The following UNC80 variants were observed in gnomAD, a reference collection of about 807,000 sequenced individuals.
UNC80 encodes unc-80 subunit of NALCN channel complex.
A neutral mutation model predicts 384.6 loss-of-function variants in UNC80; 164 were observed. The ratio of observed to expected loss-of-function variants is 0.43; its 90% confidence interval spans 0.38 to 0.49. The LOEUF (loss-of-function observed/expected upper bound fraction) is 0.49. Ranked by LOEUF, UNC80 falls within the 20% of genes least tolerant of loss-of-function variation. UNC80 has a pLI of 0.00. For missense variants in UNC80, 3,330 were observed against 4,143.0 expected, an observed-to-expected ratio of 0.80 and a Z score of 5.39; for synonymous variants, 1,486 against 1,527.8, an observed-to-expected ratio of 0.97 and a Z score of 0.64.
chr2:209,917,649 C>A, intron 31 of UNC80, 128 bp from the exon 32 acceptor site: 3 of 1,125,556 alleles, frequency 2.7e-6, no homozygotes, highest in Non-Finnish European at 3.7e-6. Flanking sequence ...TTTGCCAGTG[C>A]TGGTAGCCTA....
rs1014521002 is a variant in UNC80 at position 209,772,115 on chromosome 2, G to A, written c.43G>A (p.Gly15Ser). 37 of 1,549,184 alleles carry A rather than the reference G, an allele frequency of 2.4e-5. No individual in the cohort carries two copies. Among genetic ancestry groups the A allele is most frequent in the Non-Finnish European group, 2.3e-5 (26 of 1,146,354 alleles). The stretch of plus-strand genomic sequence containing the variant: ...CTCCGAGGGCCAGGAGCAGGACGGC[G>A]GCCGCGGCATCCCCCTGCCCATCCA... ...KSSEGQEQDG[G>S]RGIPLPIQTF... Residue 15 changes from glycine to serine, a missense_variant, in exon 1 of 65, where the codon GGC (glycine) becomes AGC (serine). Physicochemically the swap from Gly to Ser is moderately conservative, Grantham distance 56. This residue lies in a region of UNC80 where 86 missense variants were observed against 141.5 expected (regional missense o/e 0.61). Transcript: ENST00000673920.
chr2:209,821,529 T>G (rs2080132541), intron 13 of UNC80, among the ~76,000 whole-genome samples: 1 of 152,220 alleles, frequency 6.6e-6, no homozygotes. Context: ...GAGAAGAATT[T>G]TGCTTGATTA....
intron 4 of UNC80, among the ~76,000 whole-genome samples, chr2:209,783,922 G>A (rs1336068181): frequency 6.6e-6 from 1 of 151,970 alleles, no homozygotes; most frequent in Non-Finnish European, 1.5e-5. Flanking sequence ...AGGGAATTTG[G>A]GTTACTCTTC....
intron 38 of UNC80, among the ~76,000 whole-genome samples, chr2:209,932,787 G>T (rs771346474): frequency 3.3e-5 from 5 of 152,194 alleles, no homozygotes; most frequent in Admixed American, 6.5e-5. Context: ...GTTGGAGAAA[G>T]AATCTGAATT....
intron 21 of UNC80, among the ~76,000 whole-genome samples, chr2:209,846,421 A>G (rs1229805795): frequency 6.6e-6 from 1 of 152,022 alleles, no homozygotes; most frequent in Non-Finnish European, 1.5e-5. Flanking sequence ...TTTTCAAGTA[A>G]TCAACACGTT....
rs2191906 is a variant in UNC80 at position 209,849,438 on chromosome 2, A to G, written c.3455-13A>G. On this transcript the variant is annotated splice_polypyrimidine_tract_variant and intron_variant, in intron 21 of 64. Transcript: ENST00000673920. The stretch of plus-strand genomic sequence containing the variant: ...CTCTCTTTCATTCCTCCACCATGGC[A>G]CCACCTTTACAGGTTGCCACAGTTT... 0.16 allele frequency: 243,779 copies of G among 1,549,684 alleles called. 22,309 individuals are homozygous for G. Among genetic ancestry groups the G allele is most frequent in the Middle Eastern group, 0.33 (1,947 of 5,982 alleles).
chr2:209,995,240 C>G lies in UNC80; in HGVS notation c.9709-89C>G, dbSNP rs369830234. The G allele has an allele frequency of 8.1e-6, 12 of 1,478,966 alleles. No individual in the cohort carries two copies. The African/African-American group carries it at 1.5e-4, about 19-fold the overall frequency. The allele number at this position is 1,478,966 out of a possible 1,614,324, so 91.6% of individuals were successfully genotyped here. On this transcript the variant is annotated intron_variant, in intron 64 of 64. Transcript: ENST00000673920. ...TGGGACTAGCCATCTGATTCCTTTT[C>G]CAATTACCACTAGACAACAACATTT...
chr2:209,977,001 C>T lies in UNC80; in HGVS notation c.8861C>T (p.Pro2954Leu). Residue 2954 changes from proline (P) to leucine (L), a missense_variant, in exon 58 of 65, where the codon CCT (proline) becomes CTT (leucine). By Grantham distance (98) the Pro-to-Leu change is moderately conservative. Coordinates refer to ENST00000673920, the MANE Select transcript of UNC80 (RefSeq NM_001371986.1). ...CTGGAGCGGCGCTTCATACCACGCC[C>T]TTTGTGTAAGAGCTCGCTCATTGCT... is the stretch of plus-strand genomic sequence containing the variant. ...DQLERRFIPR[P>L]LCKSSLIAEF... 2 of 1,539,836 alleles carry T rather than the reference C, an allele frequency of 1.3e-6. No individual in the cohort carries two copies. The highest frequency in any genetic ancestry group is 1.2e-5 in the South Asian group (1 of 83,538).
Position 209,973,071 on chromosome 2 carries a change from A to G in UNC80, c.8388A>G (p.Pro2796=), listed in dbSNP as rs1044654539. 1.0e-5 allele frequency: 16 copies of G among 1,551,512 alleles called. No individual in the cohort carries two copies. The highest frequency in any genetic ancestry group is 9.8e-5 in the East Asian group (4 of 40,920). ...LTVGSGSKDS[P]WLEQPEVQLL... ...CCAAATTCTGCCCCTCAGATAGCCC[A>G]TGGCTGGAGCAGCCTGAGGTGCAGC... Residue 2796 remains proline, a synonymous_variant, in exon 56 of 65, where the codon CCA becomes CCG. Coordinates refer to ENST00000673920, the MANE Select transcript of UNC80 (RefSeq NM_001371986.1).
intron 28 of UNC80, among the ~76,000 whole-genome samples, chr2:209,901,972 A>G (rs1479303151): frequency 1.3e-5 from 2 of 152,048 alleles, no homozygotes; most frequent in African/African-American, 4.8e-5. Context: ...AGCTGCCACC[A>G]CAGACAGTTA....
At chr2:209,881,263 A>T (rs2085265856) in intron 25 of UNC80, among the ~76,000 whole-genome samples, 169 bp downstream of exon 25, 1 of 152,204 alleles carries the variant, frequency 6.6e-6, no homozygotes, top group Non-Finnish European at 1.5e-5. Flanking sequence ...TCTTTTCCTC[A>T]TTACAAATAA....
At chr2:209,815,418 A>G in intron 9 of UNC80, 27 bp downstream of exon 9, 1 of 1,540,880 alleles carries the variant, frequency 6.5e-7, no homozygotes. Flanking sequence ...ATGCTCTTTG[A>G]TATTTTGGTA....
intron 7 of UNC80, among the ~76,000 whole-genome samples, chr2:209,810,220 G>A (rs1332892434): frequency 1.3e-5 from 2 of 152,156 alleles, no homozygotes; most frequent in Non-Finnish European, 2.9e-5. Context: ...GTTGTCACTT[G>A]TCGGTGGCCT....
intron 25 of UNC80, 136 bp from the exon 26 acceptor site, chr2:209,887,959 A>G (rs2085979564): frequency 1.4e-6 from 1 of 690,604 alleles, no homozygotes; most frequent in Admixed American, 3.0e-5. Flanking sequence ...GTCACAATCT[A>G]AAATTAGCGT....
At chr2:209,938,987 A>T (rs768486887) in intron 42 of UNC80, among the ~76,000 whole-genome samples, 3 of 152,080 alleles carry the variant, frequency 2.0e-5, no homozygotes. Flanking sequence ...CAGAGCACCA[A>T]TCAAGGACCT....
chr2:209,793,778 T>C lies in UNC80; in HGVS notation c.857T>C (p.Ile286Thr). Residue 286 changes from isoleucine to threonine, a missense_variant, in exon 7 of 65, where the codon ATT becomes ACT. Coordinates refer to ENST00000673920, the MANE Select transcript of UNC80 (RefSeq NM_001371986.1). ...GATTCCATCTCACCCAAGGCCACCATTTCAGGCTGTCACCGAGGAAACTCC... is the reference window on the plus strand; with the variant it reads ...GATTCCATCTCACCCAAGGCCACCACTTCAGGCTGTCACCGAGGAAACTCC... ...QSDSISPKAT[I>T]SGCHRGNSFD... The C allele has an allele frequency of 1.2e-6, 2 of 1,614,182 alleles. No homozygotes were observed. Among genetic ancestry groups the C allele is most frequent in the South Asian group, 1.1e-5 (1 of 91,084 alleles).
intron 47 of UNC80, among the ~76,000 whole-genome samples, chr2:209,950,334 T>A (rs571170763): frequency 2.0e-5 from 3 of 152,088 alleles, no homozygotes; most frequent in African/African-American, 7.2e-5. Flanking sequence ...TATGCTTTTT[T>A]TAAAAAAAAA....
chr2:209,804,521 C>T (rs2370833), intron 7 of UNC80, among the ~76,000 whole-genome samples: 69,118 of 151,766 alleles, frequency 0.46, 16,508 homozygotes, highest in African/African-American at 0.59. Context: ...TTTGCTGATA[C>T]AATTATTTTT....
chr2:209,969,029 C>T (rs545592371), intron 52 of UNC80: 9 of 152,172 alleles, frequency 5.9e-5, no homozygotes, highest in South Asian at 4.1e-4. Context: ...GATTCCATTT[C>T]GCTAGAAAAT....
Sources: allele counts gnomAD v4.1 joint callset (sites outside exome capture counted in the v4.1 genomes callset), GRCh38; gene constraint gnomAD v4.1.1; regional missense constraint gnomAD v4.1.1; transcripts MANE v1.5; gene names NCBI Gene and HGNC (gene_info 2026-07-23, HGNC 2026-07-21).